Variants in NFIB observed in about 807,000 individuals in gnomAD.
The protein encoded by NFIB is nuclear factor 1 B-type.
NFIB carries 11 observed loss-of-function variants against 61.5 expected under a neutral mutation model. The ratio of observed to expected loss-of-function variants is 0.18; its 90% CI spans 0.11 to 0.30. The LOEUF (loss-of-function observed/expected upper bound fraction) is 0.30. NFIB is among the 10% of genes least tolerant of loss of function. The probability of loss-of-function intolerance (pLI) is 1.00; values close to 1 mark genes in which losing one functional copy is unlikely to be tolerated. For missense variants in NFIB, 471 were observed against 608.9 expected (o/e 0.77, Z 2.38); for synonymous variants, 260 against 216.5 (o/e 1.20, Z -1.76).
At chr9:14,511,402 A>G in the NFIB span, among the ~76,000 whole-genome samples, 1 of 151,948 alleles carries the variant, frequency 6.6e-6, no homozygotes, top group Non-Finnish European at 1.5e-5. Flanking sequence ...ATGTTTATAT[A>G]ATTTTAATTT....
chr9:14,427,934 GTTGTTTT>G, the NFIB span, among the ~76,000 whole-genome samples: 2 of 25,946 alleles, frequency 7.7e-5, no homozygotes, highest in East Asian at 1.8e-3. Context: ...CTTTAATTCA[GTTGTTTT>G]TTTTTTTTTT....
At position 14,085,673 on chromosome 9, in the gene NFIB, C is replaced by A. The variant is rs539375067; in HGVS notation, c.*2636G>T. ...GTCCAAATACATTCAACAATAGCAA[C>A]CCTCTGTTCAATCTTCTGGATATTA... On this transcript the variant is annotated 3_prime_UTR_variant, in exon 11 of 11. Transcript: ENST00000380953. 4.5e-6 allele frequency: 1 copy of A among 219,900 alleles called. No homozygotes were observed. The highest frequency in any genetic ancestry group is 9.1e-6 in the Non-Finnish European group (1 of 109,850). The allele number at this position is 219,900 out of a possible 1,614,324, so 13.6% of individuals were successfully genotyped here. A position where few individuals can be genotyped will look rare whatever the true frequency, so the allele number is the denominator to read the frequency against.
At chr9:14,141,149 G>C (rs1205872840) in intron 6 of NFIB, among the ~76,000 whole-genome samples, 1 of 152,088 alleles carries the variant, frequency 6.6e-6, no homozygotes, top group African/African-American at 2.4e-5. Context: ...CAACAGTTAA[G>C]ACTACCTTAC....
intron 2 of NFIB, among the ~76,000 whole-genome samples, chr9:14,225,723 A>G (rs1048524218): frequency 1.3e-5 from 2 of 152,158 alleles, no homozygotes; most frequent in African/African-American, 4.8e-5. Context: ...TGACTCTATC[A>G]GAGTATCAGG....
chr9:14,379,138 G>A (rs1429684264), intron 1 of NFIB, among the ~76,000 whole-genome samples: 1 of 152,164 alleles, frequency 6.6e-6, no homozygotes, highest in Non-Finnish European at 1.5e-5. Context: ...ACCATCTGGT[G>A]TATCTCTCTT....
the NFIB span, among the ~76,000 whole-genome samples, chr9:14,440,807 G>T: frequency 6.6e-6 from 1 of 152,044 alleles, no homozygotes; most frequent in Non-Finnish European, 1.5e-5. Flanking sequence ...TTTATAATCT[G>T]GGAACATTCA....
At position 14,086,116 on chromosome 9, in the gene NFIB, G is replaced by C. The variant is rs2032826068; in HGVS notation, c.*2193C>G. On this transcript the variant is annotated 3_prime_UTR_variant, in exon 11 of 11. Coordinates refer to ENST00000380953, the MANE Select transcript of NFIB (RefSeq NM_001190737.2). The stretch of plus-strand genomic sequence containing the variant: ...AGCTTGCAACCCAGGTGGGAAGTTA[G>C]AGAGGGGAACCTGTGTAAGTTGAAG... 2 of 225,192 alleles carry C rather than the reference G, an allele frequency of 8.9e-6. No individual in the cohort carries two copies. The highest frequency in any genetic ancestry group is 2.2e-5 in the African/African-American group (1 of 44,874). The allele number at this position is 225,192 out of a possible 1,614,324, so 13.9% of individuals were successfully genotyped here.
intron 3 of NFIB, among the ~76,000 whole-genome samples, chr9:14,173,774 A>C (rs1005522123): frequency 6.6e-6 from 1 of 152,230 alleles, no homozygotes; most frequent in African/African-American, 2.4e-5. Context: ...TATCTGATAG[A>C]GTAGGTGACT....
At chr9:14,093,661 A>G (rs932733140) in intron 10 of NFIB, among the ~76,000 whole-genome samples, 2 of 152,104 alleles carry the variant, frequency 1.3e-5, no homozygotes, top group Non-Finnish European at 2.9e-5. Flanking sequence ...TTGGCAAAAT[A>G]TTAACACACA....
chr9:14,178,081 G>A (rs1020448251), intron 3 of NFIB, among the ~76,000 whole-genome samples: 15 of 152,056 alleles, frequency 9.9e-5, no homozygotes, highest in African/African-American at 2.7e-4. Context: ...TGTTTAGTCC[G>A]ACTTATAATA....
Position 14,352,595 on chromosome 9 carries a change from T to C in NFIB, c.109-45075A>G, listed in dbSNP as rs574550813. ...GCATTTCTTCCAGGCCTTGGTGCAA[T>C]TGGACAAGCAAGTGTTTCCATGCTC... On this transcript the variant is annotated intron_variant, in intron 1 of 8. Coordinates refer to the NFIB transcript ENST00000380934. Among the ~76,000 whole-genome samples the C allele has an allele frequency of 4.1e-4, 62 of 152,340 alleles. No individual in the cohort carries two copies. In the Middle Eastern group the frequency reaches 0.01, roughly 25 times the overall value.
At chr9:14,445,397 C>G in the NFIB span, among the ~76,000 whole-genome samples, 1 of 152,022 alleles carries the variant, frequency 6.6e-6, no homozygotes. Context: ...GTGTTCTTAC[C>G]ATTACTATCA....
intron 1 of NFIB, among the ~76,000 whole-genome samples, chr9:14,384,555 T>A (rs185312190): frequency 6.6e-6 from 1 of 152,298 alleles, no homozygotes; most frequent in Non-Finnish European, 1.5e-5. Context: ...AACCATATGG[T>A]AATAGAGTAG....
intron 10 of NFIB, among the ~76,000 whole-genome samples, chr9:14,100,170 GAA>G (rs2035525802): frequency 1.3e-5 from 2 of 152,096 alleles, no homozygotes; most frequent in South Asian, 4.1e-4. Context: ...CTAATCAAAA[GAA>G]AAGTTACAAT....
chr9:14,121,189 A>G (rs1288086798), intron 7 of NFIB, among the ~76,000 whole-genome samples: 1 of 152,210 alleles, frequency 6.6e-6, no homozygotes, highest in African/African-American at 2.4e-5. Flanking sequence ...ACTTGAATCC[A>G]GTAGACGGAG....
intron 10 of NFIB, among the ~76,000 whole-genome samples, chr9:14,100,159 A>C (rs1190818617): frequency 6.6e-6 from 1 of 152,224 alleles, no homozygotes; most frequent in Non-Finnish European, 1.5e-5. Context: ...GCCATTACCT[A>C]CTAATCAAAA....
chr9:14,530,812 T>C, the NFIB span, among the ~76,000 whole-genome samples: 1 of 151,756 alleles, frequency 6.6e-6, no homozygotes, highest in East Asian at 1.9e-4. Context: ...ACTGTACTAA[T>C]TGTGAGAAAA....
At chr9:14,382,420 T>G (rs1201188792) in intron 1 of NFIB, among the ~76,000 whole-genome samples, 1 of 152,016 alleles carries the variant, frequency 6.6e-6, no homozygotes, top group African/African-American at 2.4e-5. Flanking sequence ...ATTTGGAAGA[T>G]GACCGATCCA....
intron 3 of NFIB, among the ~76,000 whole-genome samples, chr9:14,169,636 C>T (rs1464256795): frequency 6.6e-6 from 1 of 152,194 alleles, no homozygotes; most frequent in East Asian, 1.9e-4. Context: ...GCCTGGCCAA[C>T]ATGGCGAAAC....
Sources: allele counts gnomAD v4.1 joint callset (sites outside exome capture counted in the v4.1 genomes callset), GRCh38; gene constraint gnomAD v4.1.1; transcripts MANE v1.5; gene names NCBI Gene and HGNC (gene_info 2026-07-23, HGNC 2026-07-21).